OPCML: variants seen among roughly 807,000 people sequenced by gnomAD.
OPCML encodes opioid binding protein/cell adhesion molecule like.
In OPCML, 13 loss-of-function variants were observed where a neutral mutation model predicts 37.8. The observed-to-expected ratio is 0.34, with a 90% CI of 0.22 to 0.55. The LOEUF is 0.55. OPCML is among the 20% of genes least tolerant of loss of function. The probability of loss-of-function intolerance (pLI) is 0.91; values close to 1 mark genes in which losing one functional copy is unlikely to be tolerated. For synonymous variants in OPCML, 176 were observed against 168.8 expected (o/e 1.04, Z -0.33); for missense variants, 341 against 435.6 (o/e 0.78, Z 1.93).
At chr11:132,889,726 G>A (rs554117493) in intron 2 of OPCML, among the ~76,000 whole-genome samples, 1 of 152,312 alleles carries the variant, frequency 6.6e-6, no homozygotes, top group African/African-American at 2.4e-5. Flanking sequence ...CAGCATTGTA[G>A]AAGAACTCAT....
intron 1 of OPCML, among the ~76,000 whole-genome samples, chr11:133,055,289 A>G (rs1346995872): frequency 6.7e-6 from 1 of 149,578 alleles, no homozygotes; most frequent in East Asian, 2.0e-4. Context: ...AGCCACCTCT[A>G]TCATACAATG....
At chr11:132,875,194 A>G (rs1343127950) in intron 2 of OPCML, among the ~76,000 whole-genome samples, 1 of 152,216 alleles carries the variant, frequency 6.6e-6, no homozygotes, top group Non-Finnish European at 1.5e-5. Context: ...ATGCTACATT[A>G]TGAAGCTACT....
At chr11:132,750,448 G>T (rs1945792990) in intron 2 of OPCML, among the ~76,000 whole-genome samples, 1 of 152,100 alleles carries the variant, frequency 6.6e-6, no homozygotes, top group Non-Finnish European at 1.5e-5. Flanking sequence ...AACCAAGGTG[G>T]CTGTCCATTC....
chr11:133,485,296 G>A (rs575677780), intron 1 of OPCML, among the ~76,000 whole-genome samples: 60 of 152,246 alleles, frequency 3.9e-4, no homozygotes, highest in African/African-American at 1.4e-3. Context: ...ACATCAAAAT[G>A]TGTGACATAC....
chr11:133,145,192 C>T (rs191888684), intron 1 of OPCML, among the ~76,000 whole-genome samples: 28 of 152,082 alleles, frequency 1.8e-4, no homozygotes, highest in African/African-American at 3.4e-4. Context: ...GGGCTGACTA[C>T]GATTAATGAC....
chr11:132,888,058 G>A (rs973077546), intron 2 of OPCML, among the ~76,000 whole-genome samples: 1 of 152,180 alleles, frequency 6.6e-6, no homozygotes, highest in African/African-American at 2.4e-5. Flanking sequence ...CTTTGGATGA[G>A]AGTGTGGAAG....
chr11:133,481,743 G>T (rs1191349251), intron 1 of OPCML, among the ~76,000 whole-genome samples: 2 of 152,136 alleles, frequency 1.3e-5, no homozygotes, highest in African/African-American at 4.8e-5. Context: ...GAAAAAAAGG[G>T]GGAAAGTTAA....
At position 133,139,885 on chromosome 11, in the gene OPCML, G is replaced by A. The variant is rs1256131134; in HGVS notation, c.62-196875C>T. On this transcript the variant is annotated intron_variant, in intron 1 of 7. Coordinates refer to ENST00000524381, the MANE Select transcript of OPCML (RefSeq NM_001012393.5). Reference sequence around the variant, plus strand: ...GGGAGTCTTAACGAGAAGAGGAAAAGCAGGAAAAAATAGAGTTGAGGCCAG... The same window carrying A: ...GGGAGTCTTAACGAGAAGAGGAAAAACAGGAAAAAATAGAGTTGAGGCCAG... Among the ~76,000 whole-genome samples, 3 of 152,044 alleles carry A rather than the reference G, an allele frequency of 2.0e-5. No homozygotes were observed. In the East Asian group the frequency reaches 5.8e-4, roughly 29 times the overall value.
intron 1 of OPCML, among the ~76,000 whole-genome samples, chr11:133,061,257 C>T (rs12291968): frequency 0.16 from 24,674 of 152,216 alleles, 2,235 homozygotes; most frequent in African/African-American, 0.22. Flanking sequence ...AAACTGTCTA[C>T]GTCTCCAAAA....
chr11:132,684,032 G>T (rs79239272), intron 2 of OPCML, among the ~76,000 whole-genome samples: 2,992 of 151,902 alleles, frequency 0.02, 98 homozygotes, highest in African/African-American at 0.068. Flanking sequence ...ACAGACATTT[G>T]TTACACACCA....
chr11:133,395,851 G>C (rs1438033847), intron 1 of OPCML, among the ~76,000 whole-genome samples: 5 of 152,114 alleles, frequency 3.3e-5, no homozygotes, highest in Non-Finnish European at 7.4e-5. Context: ...GCTCAAGATA[G>C]CTTTGGCTAT....
At chr11:133,295,804 A>G (rs1383934096) in intron 1 of OPCML, among the ~76,000 whole-genome samples, 2 of 152,258 alleles carry the variant, frequency 1.3e-5, no homozygotes, top group African/African-American at 4.8e-5. Context: ...TCTATCTGGT[A>G]CAGGTTCAGT....
Position 133,211,235 on chromosome 11 carries a change from C to T in OPCML, c.62-268225G>A, listed in dbSNP as rs1276518356. On this transcript the variant is annotated intron_variant, in intron 1 of 7. Transcript: ENST00000524381. This position sits in a 1 kb window ranked among gnomAD's most constrained non-coding sequence, Gnocchi z 4.1. Reference sequence around the variant, plus strand: ...GCTTTCTGGTGATGGTTTCCTGGGTCCCAGTGAGTGAGGTGGTGGACATTT... The same window carrying T: ...GCTTTCTGGTGATGGTTTCCTGGGTTCCAGTGAGTGAGGTGGTGGACATTT... Among the ~76,000 whole-genome samples, 4 of 152,068 alleles carry T rather than the reference C, an allele frequency of 2.6e-5. No individual in the cohort carries two copies. Among genetic ancestry groups the T allele is most frequent in the Admixed American group, 1.3e-4 (2 of 15,268 alleles).
intron 1 of OPCML, among the ~76,000 whole-genome samples, chr11:133,442,241 T>C (rs1190232802): frequency 6.6e-6 from 1 of 152,242 alleles, no homozygotes; most frequent in Non-Finnish European, 1.5e-5. Flanking sequence ...TTATTGTTTT[T>C]GTTTTTTCAG....
At chr11:133,099,439 TTTC>T (rs1949053893) in intron 1 of OPCML, among the ~76,000 whole-genome samples, 1 of 118,816 alleles carries the variant, frequency 8.4e-6, no homozygotes, top group African/African-American at 3.0e-5. Flanking sequence ...ATTTTCTTTT[TTTC>T]TTTTTTTTTT....
At chr11:133,446,472 T>C (rs1236608552) in intron 1 of OPCML, among the ~76,000 whole-genome samples, 1 of 152,212 alleles carries the variant, frequency 6.6e-6, no homozygotes, top group Non-Finnish European at 1.5e-5. Flanking sequence ...CTGCCTGGGC[T>C]GTAGTGTGGT....
chr11:132,530,332 C>T (rs1223172171), intron 3 of OPCML, among the ~76,000 whole-genome samples: 1 of 151,934 alleles, frequency 6.6e-6, no homozygotes, highest in Non-Finnish European at 1.5e-5. Flanking sequence ...TTGGAAAACT[C>T]CTAGATTCCT....
At chr11:132,635,478 T>C (rs576329838) in intron 3 of OPCML, among the ~76,000 whole-genome samples, 1 of 151,652 alleles carries the variant, frequency 6.6e-6, no homozygotes, top group African/African-American at 2.4e-5. Context: ...CTCATTTTTT[T>C]CCCCAGTCTA....
intron 1 of OPCML, among the ~76,000 whole-genome samples, chr11:133,292,430 C>T (rs888308734): frequency 6.6e-6 from 1 of 152,142 alleles, no homozygotes; most frequent in African/African-American, 2.4e-5. Context: ...TACACAGTAG[C>T]TATGCGGCGA....
Sources: allele counts gnomAD v4.1 joint callset (sites outside exome capture counted in the v4.1 genomes callset), GRCh38; gene constraint gnomAD v4.1.1; non-coding constraint Gnocchi (gnomAD v3.1); transcripts MANE v1.5; gene names NCBI Gene and HGNC (gene_info 2026-07-23, HGNC 2026-07-21).